Variants in EPHB2 observed in about 807,000 individuals in gnomAD.
EPHB2 encodes ephrin type-B receptor 2.
EPHB2 carries 18 observed loss-of-function variants against 96.4 expected under a neutral mutation model. The observed-to-expected ratio is 0.19, with a 90% CI of 0.13 to 0.28. The LOEUF is 0.28. Ranked by LOEUF, EPHB2 falls within the 10% of genes least tolerant of loss-of-function variation. The probability of loss-of-function intolerance (pLI) is 1.00; values close to 1 mark genes in which losing one functional copy is unlikely to be tolerated. For synonymous variants in EPHB2, 506 were observed against 534.1 expected, an observed-to-expected ratio of 0.95 and a Z score of 0.72; for missense variants, 989 against 1,355.4, an observed-to-expected ratio of 0.73 and a Z score of 4.25.
At chr1:22,757,668 C>T (rs1361497642) in intron 1 of EPHB2, among the ~76,000 whole-genome samples, 2 of 152,064 alleles carry the variant, frequency 1.3e-5, no homozygotes, top group African/African-American at 4.8e-5. Flanking sequence ...TCAAGACCAG[C>T]CTGGGTAACA....
chr1:22,715,261 G>A (rs558903033), intron 1 of EPHB2, among the ~76,000 whole-genome samples: 2 of 152,344 alleles, frequency 1.3e-5, no homozygotes, highest in Admixed American at 1.3e-4. Context: ...AGATACCAAG[G>A]GGATGGCTTG....
At position 22,913,150 on chromosome 1, in the gene EPHB2, G is replaced by A. The variant is rs552968302; in HGVS notation, c.2853-312G>A. ...AGAGGTTGCAGTGAGCTGAGATCAC[G>A]CCACTGCACACCAGCCTGGGTGACA... is the stretch of plus-strand genomic sequence containing the variant. On this transcript the variant is annotated intron_variant, in intron 15 of 15. Coordinates refer to ENST00000374630, the MANE Select transcript of EPHB2 (RefSeq NM_017449.5). The surrounding 1 kb of genome is among the most constrained non-coding windows in gnomAD (Gnocchi z 4.1). The A allele has an allele frequency of 3.2e-5, 14 of 430,902 alleles. No homozygotes were observed. The highest frequency in any genetic ancestry group is 1.0e-4 in the Admixed American group (3 of 28,606). The allele number at this position is 430,902 out of a possible 1,614,324, so 26.7% of individuals were successfully genotyped here.
intron 5 of EPHB2, among the ~76,000 whole-genome samples, chr1:22,869,765 A>T (rs969480529): frequency 6.6e-6 from 1 of 152,112 alleles, no homozygotes; most frequent in Non-Finnish European, 1.5e-5. Flanking sequence ...CATTTCACTG[A>T]CCTTCCTGAC....
In EPHB2 at chr1:22,860,214, C is replaced by T. The variant is rs550105819; in HGVS notation, c.812-2823C>T. ...TGGAGAGTGGGTGGGTGGGAGGAGG[C>T]CAGATGGCGTGAGAGGCTGAGGAGT... On this transcript the variant is annotated intron_variant, in intron 3 of 15. Transcript: ENST00000374630. The surrounding 1 kb of genome is among the most constrained non-coding windows in gnomAD (Gnocchi z 4.6). Among the ~76,000 whole-genome samples, 4 of 152,162 alleles carry T rather than the reference C, an allele frequency of 2.6e-5. No individual in the cohort carries two copies. The South Asian group carries it at 8.3e-4, about 32-fold the overall frequency.
intron 3 of EPHB2, among the ~76,000 whole-genome samples, chr1:22,802,520 C>T (rs1041484459): frequency 7.9e-5 from 12 of 152,098 alleles, no homozygotes; most frequent in Non-Finnish European, 1.3e-4. Flanking sequence ...TATGCCCTTC[C>T]CCAGCCAGCA....
intron 1 of EPHB2, chr1:22,775,118 G>A: frequency 1.3e-6 from 1 of 763,974 alleles, no homozygotes; most frequent in Non-Finnish European, 2.4e-6. Flanking sequence ...CACAAGCCCT[G>A]ATGACTTTGT....
chr1:22,746,469 G>T (rs1415658850), intron 1 of EPHB2, among the ~76,000 whole-genome samples: 1 of 152,188 alleles, frequency 6.6e-6, no homozygotes, highest in Non-Finnish European at 1.5e-5. Flanking sequence ...GAAGAGTGGG[G>T]CAGGGTGAGG....
intron 5 of EPHB2, among the ~76,000 whole-genome samples, chr1:22,873,204 C>T (rs1213064035): frequency 1.3e-5 from 2 of 152,178 alleles, no homozygotes; most frequent in African/African-American, 2.4e-5. Flanking sequence ...CTGGTCTTGG[C>T]GAGGTGCATT....
At chr1:22,819,110 T>C (rs4390147) in intron 3 of EPHB2, among the ~76,000 whole-genome samples, 114,037 of 151,988 alleles carry the variant, frequency 0.75, 43,379 homozygotes, top group Middle Eastern at 0.83. Flanking sequence ...TCTGTGCCTT[T>C]GCTGCCGAGG....
intron 1 of EPHB2, among the ~76,000 whole-genome samples, chr1:22,731,231 C>T (rs1044003902): frequency 6.6e-6 from 1 of 152,130 alleles, no homozygotes; most frequent in Non-Finnish European, 1.5e-5. Context: ...ATCATTCTGG[C>T]GGGGGGAATG....
chr1:22,829,028 T>A (rs555363468), intron 3 of EPHB2, among the ~76,000 whole-genome samples: 2 of 152,362 alleles, frequency 1.3e-5, no homozygotes, highest in East Asian at 3.9e-4. Context: ...AGTCAAGAAC[T>A]GTGGAATATT....
chr1:22,858,097 G>GA lies in EPHB2; in HGVS notation c.812-4940_812-4939insA, dbSNP rs1472045043. On this transcript the variant is annotated intron_variant, in intron 3 of 15. Coordinates refer to ENST00000374630, the MANE Select transcript of EPHB2 (RefSeq NM_017449.5). The surrounding 1 kb of genome is among the most constrained non-coding windows in gnomAD (Gnocchi z 7.7). ...CGGAGGAGGTGGCATTTAAGCTGGG[G>GA]TCTGAAGGAGGAAAAGGAGCCAGCG... Among the ~76,000 whole-genome samples, 12 of 152,166 alleles carry GA rather than the reference G, an allele frequency of 7.9e-5. No homozygotes were observed. The highest frequency in any genetic ancestry group is 1.3e-4 in the Non-Finnish European group (9 of 68,028).
intron 1 of EPHB2, among the ~76,000 whole-genome samples, chr1:22,746,567 AG>A (rs1364425796): frequency 6.6e-6 from 1 of 152,196 alleles, no homozygotes; most frequent in Non-Finnish European, 1.5e-5. Context: ...TGTGTTCTGC[AG>A]GGGGGAGATG....
intron 9 of EPHB2, among the ~76,000 whole-genome samples, chr1:22,899,850 A>G (rs909198052): frequency 2.0e-5 from 3 of 151,924 alleles, no homozygotes; most frequent in Non-Finnish European, 4.4e-5. Flanking sequence ...AAAATTAGCC[A>G]GGCATGGTGG....
chr1:22,827,659 T>C (rs1645243848), intron 3 of EPHB2, among the ~76,000 whole-genome samples: 1 of 152,218 alleles, frequency 6.6e-6, no homozygotes, highest in African/African-American at 2.4e-5. Flanking sequence ...GCCTGGGTCA[T>C]AGTAAGTCCT....
intron 1 of EPHB2, among the ~76,000 whole-genome samples, chr1:22,777,136 A>T (rs1240433736): frequency 2.6e-5 from 4 of 152,218 alleles, no homozygotes; most frequent in African/African-American, 9.6e-5. Context: ...GGCCAAGAAG[A>T]TGTAGAGGTG....
chr1:22,782,422 CCG>C lies in EPHB2; in HGVS notation c.126+939_126+940del, dbSNP rs1644547164. ...TTCCCTTCCCCCCACCCCAGTTCCT[CCG>C]CTGGGACTCAGCTGCTGCCCCAGGG... On this transcript the variant is annotated intron_variant, in intron 2 of 15. Transcript: ENST00000374630. 5.1e-5 allele frequency among the ~76,000 whole-genome samples: 7 copies of C among 137,608 alleles called. No homozygotes were observed. In the South Asian group the frequency reaches 1.7e-3, roughly 34 times the overall value. 90.3% of individuals were successfully genotyped at this position (137,608 alleles called of 152,430 possible).
chr1:22,812,509 C>G (rs2119319), intron 3 of EPHB2, among the ~76,000 whole-genome samples: 386 of 151,754 alleles, frequency 2.5e-3, no homozygotes, highest in Middle Eastern at 0.01. Context: ...TGGGGGGACC[C>G]TCAGAATGAA....
chr1:22,854,221 T>C (rs1299211759), intron 3 of EPHB2, among the ~76,000 whole-genome samples: 2 of 151,984 alleles, frequency 1.3e-5, no homozygotes, highest in Non-Finnish European at 2.9e-5. Context: ...AGAAAGAACA[T>C]GGACTAAGGC....
Sources: allele counts gnomAD v4.1 joint callset (sites outside exome capture counted in the v4.1 genomes callset), GRCh38; gene constraint gnomAD v4.1.1; non-coding constraint Gnocchi (gnomAD v3.1); transcripts MANE v1.5; gene names NCBI Gene and HGNC (gene_info 2026-07-23, HGNC 2026-07-21).